The following SBF2 variants were observed in gnomAD, a reference collection of about 807,000 sequenced individuals.
SBF2 encodes myotubularin-related protein 13.
A neutral mutation model predicts 225.2 loss-of-function variants in SBF2; 112 were observed. The ratio of observed to expected loss-of-function variants is 0.50; its 90% CI spans 0.43 to 0.58. The LOEUF (loss-of-function observed/expected upper bound fraction) is 0.58, where lower values mean the gene tolerates loss of function less well. Among genes scored for constraint, SBF2 ranks in the 20% least tolerant of loss-of-function variants. The probability of loss-of-function intolerance (pLI) is 0.00; values close to 1 mark genes in which losing one functional copy is unlikely to be tolerated. For missense variants in SBF2, 1,996 were observed against 2,206.2 expected (o/e 0.90, Z 1.91); for synonymous variants, 763 against 773.3 (o/e 0.99, Z 0.22).
intron 2 of SBF2, among the ~76,000 whole-genome samples, chr11:10,086,052 C>CGT (rs1415744952): frequency 2.1e-5 from 3 of 142,774 alleles, no homozygotes; most frequent in Non-Finnish European, 3.0e-5. Flanking sequence ...TGTGCATGCA[C>CGT]GTGTGTGTGT....
At chr11:10,246,561 G>C (rs545964225) in intron 1 of SBF2, among the ~76,000 whole-genome samples, 1 of 152,224 alleles carries the variant, frequency 6.6e-6, no homozygotes, top group Non-Finnish European at 1.5e-5. Context: ...GGGATTACAG[G>C]CAAGAGCCAC....
chr11:9,855,007 A>C (rs1564919258), intron 19 of SBF2, among the ~76,000 whole-genome samples: 1 of 152,242 alleles, frequency 6.6e-6, no homozygotes, highest in Non-Finnish European at 1.5e-5. Context: ...CTTACAAATT[A>C]AACAGATAGG....
intron 1 of SBF2, among the ~76,000 whole-genome samples, chr11:10,286,969 C>A (rs748097739): frequency 2.0e-5 from 3 of 152,160 alleles, no homozygotes; most frequent in Admixed American, 1.3e-4. Flanking sequence ...ATGTTCAGAA[C>A]AATTATGTTC....
intron 16 of SBF2, among the ~76,000 whole-genome samples, chr11:9,955,012 T>C (rs1866070699): frequency 6.6e-6 from 1 of 152,056 alleles, no homozygotes. Context: ...GGTAACAAAG[T>C]AACTGTAATA....
chr11:9,812,466 T>G, intron 30 of SBF2, 66 bp downstream of exon 30: 1 of 1,539,892 alleles, frequency 6.5e-7, no homozygotes, highest in South Asian at 1.1e-5. Flanking sequence ...TCAAATACAG[T>G]TCTGTATATC....
At chr11:10,019,230 TC>T (rs1948755394) in intron 6 of SBF2, among the ~76,000 whole-genome samples, 1 of 152,202 alleles carries the variant, frequency 6.6e-6, no homozygotes, top group South Asian at 2.1e-4. Context: ...ACGGGAACTT[TC>T]TTATAGACTC....
chr11:9,886,144 T>C (rs1040386867), intron 17 of SBF2, among the ~76,000 whole-genome samples: 1 of 152,234 alleles, frequency 6.6e-6, no homozygotes, highest in African/African-American at 2.4e-5. Context: ...GTCATAATTA[T>C]GTTTCCTTTC....
intron 1 of SBF2, among the ~76,000 whole-genome samples, chr11:10,260,389 G>A (rs543855578): frequency 6.6e-6 from 1 of 151,980 alleles, no homozygotes; most frequent in Non-Finnish European, 1.5e-5. Flanking sequence ...TTCAAGACCA[G>A]CCTGGGCAAC....
rs13377352 is a variant in SBF2, at chr11:9,842,851, T to C, written c.3111-81A>G. ...TTGTTGACACCTACTTAGCTCAAAT[T>C]GTTTCTTCTCCTTTCCCACAGCCAC... On this transcript the variant is annotated intron_variant, in intron 24 of 39. Transcript: ENST00000256190. The C allele has an allele frequency of 3.3e-3, 4,707 of 1,437,212 alleles. 116 individuals are homozygous for C. The African/African-American group carries it at 0.055, about 17-fold the overall frequency. The allele number at this position is 1,437,212 out of a possible 1,614,324, so 89.0% of individuals were successfully genotyped here. A position where few individuals can be genotyped will look rare whatever the true frequency, so the allele number is the denominator to read the frequency against.
intron 13 of SBF2, among the ~76,000 whole-genome samples, chr11:9,981,474 A>C (rs1464751683): frequency 6.6e-6 from 1 of 152,228 alleles, no homozygotes; most frequent in African/African-American, 2.4e-5. Flanking sequence ...TTATTTAAAA[A>C]ACGTTTGAAA....
At chr11:10,147,987 C>T (rs1364189946) in intron 2 of SBF2, among the ~76,000 whole-genome samples, 1 of 152,042 alleles carries the variant, frequency 6.6e-6, no homozygotes, top group Non-Finnish European at 1.5e-5. Flanking sequence ...CTATAAACAG[C>T]AAATAAGATG....
intron 7 of SBF2, among the ~76,000 whole-genome samples, chr11:10,001,700 A>AT (rs1349218389): frequency 2.6e-5 from 4 of 151,480 alleles, no homozygotes; most frequent in Non-Finnish European, 5.9e-5. Context: ...AGCTTTTTCT[A>AT]TTTTTTTAGT....
At position 9,847,042 on chromosome 11, in the gene SBF2, T is replaced by C; in HGVS notation, c.2848A>G (p.Ile950Val). The C allele has an allele frequency of 1.2e-6, 2 of 1,613,834 alleles. No individual in the cohort carries two copies. Among genetic ancestry groups the C allele is most frequent in the Non-Finnish European group, 1.7e-6 (2 of 1,179,718 alleles). Residue 950 changes from isoleucine (I) to valine (V), a missense_variant, in exon 23 of 40, where the codon ATC becomes GTC. Coordinates refer to ENST00000256190, the MANE Select transcript of SBF2 (RefSeq NM_030962.4). Reference protein sequence around the residue: ...TVVRSFPIASITKEKKITMQN... With the variant: ...TVVRSFPIASVTKEKKITMQN... ...ATTGTAATCTTCTTCTCCTTGGTGA[T>C]GGAGGCAATGGGAAAGCTCCGCACA...
intron 2 of SBF2, among the ~76,000 whole-genome samples, chr11:10,186,303 C>T (rs916742829): frequency 4.6e-5 from 7 of 151,928 alleles, no homozygotes; most frequent in African/African-American, 9.7e-5. Flanking sequence ...TTTGGGAGGG[C>T]GAGGTGAGGA....
chr11:10,140,309 G>A (rs1165836646), intron 2 of SBF2, among the ~76,000 whole-genome samples: 2 of 152,208 alleles, frequency 1.3e-5, no homozygotes, highest in African/African-American at 4.8e-5. Flanking sequence ...TTAGAGCACT[G>A]GAAGTTTCAG....
chr11:9,846,978 T>C lies in SBF2; in HGVS notation c.2912A>G (p.Gln971Arg). The C allele has an allele frequency of 6.2e-7, 1 of 1,613,886 alleles. No individual in the cohort carries two copies. Among genetic ancestry groups the C allele is most frequent in the Non-Finnish European group, 8.5e-7 (1 of 1,179,748 alleles). ...QLQQNMQEGL[Q>R]ITSASFQLIK... ...TACCTGAAAAGATGCTGATGTGATC[T>C]GCAGTCCTTCTTGCATGTTCTGCTG... The change falls in exon 23 of 40, where the codon CAG (glutamine) becomes CGG (arginine). Residue 971 changes from glutamine to arginine, a missense_variant. Physicochemically the swap from Gln to Arg is conservative, Grantham distance 43 (BLOSUM62 1). Coordinates refer to ENST00000256190, the MANE Select transcript of SBF2 (RefSeq NM_030962.4).
At chr11:10,251,907 A>C (rs553003279) in intron 1 of SBF2, among the ~76,000 whole-genome samples, 1 of 152,316 alleles carries the variant, frequency 6.6e-6, no homozygotes, top group Admixed American at 6.5e-5. Context: ...CTCTCACCTA[A>C]GGGAGAAGCT....
At chr11:10,124,209 T>C (rs987123605) in intron 2 of SBF2, among the ~76,000 whole-genome samples, 43 of 152,214 alleles carry the variant, frequency 2.8e-4, no homozygotes, top group African/African-American at 1.0e-3. Flanking sequence ...TAAGGTGTTT[T>C]TGATCAAGGT....
At chr11:9,948,124 G>A (rs556925101) in intron 16 of SBF2, among the ~76,000 whole-genome samples, 13 of 151,674 alleles carry the variant, frequency 8.6e-5, no homozygotes, top group South Asian at 2.1e-4. Context: ...AGGAAATTCC[G>A]ACACATGCTA....
Sources: allele counts gnomAD v4.1 joint callset (sites outside exome capture counted in the v4.1 genomes callset), GRCh38; gene constraint gnomAD v4.1.1; transcripts MANE v1.5; gene names NCBI Gene and HGNC (gene_info 2026-07-23, HGNC 2026-07-21).